CORT: variants seen among roughly 807,000 people sequenced by gnomAD.
CORT encodes cortistatin-14.
A neutral mutation model predicts 4.4 loss-of-function variants in CORT; 2 were observed. The observed-to-expected ratio is 0.46, with a 90% confidence interval of 0.19 to 1.44. CORT has a LOEUF of 1.44. Ranked by LOEUF, CORT falls within the 40% of genes most tolerant of loss-of-function variation. The pLI, the probability that CORT is intolerant of heterozygous loss-of-function variation, is 0.26. For missense variants in CORT, 158 were observed against 140.2 expected (o/e 1.13, Z -0.64); for synonymous variants, 72 against 62.0 (o/e 1.16, Z -0.75).
In CORT at chr1:10,450,260, T is replaced by A. The variant is rs756292279; in HGVS notation, c.37T>A (p.Ser13Thr). The change falls in exon 1 of 2, where the codon TCC becomes ACC. Residue 13 changes from serine to threonine, a missense_variant. By Grantham distance (58) the Ser-to-Thr change is moderately conservative. Coordinates refer to ENST00000377049, the MANE Select transcript of CORT (RefSeq NM_001302.5). ...LSPGLLLLLLSGATATAALPL... is the reference protein window; with the variant it reads ...LSPGLLLLLLTGATATAALPL... ...CCCCGGCCTCCTGCTGCTGCTGCTC[T>A]CCGGGGCCACGGCCACCGCTGCCCT... 1.5e-5 allele frequency: 24 copies of A among 1,569,224 alleles called. No individual in the cohort carries two copies. In the East Asian group the frequency reaches 5.0e-4, roughly 33 times the overall value.
rs1428795634 is a variant in CORT, at chr1:10,450,167, C to G, written c.-57C>G. The G allele has an allele frequency of 6.2e-7, 1 of 1,610,420 alleles. No individual in the cohort carries two copies. Among genetic ancestry groups the G allele is most frequent in the African/African-American group, 1.3e-5 (1 of 74,908 alleles). On this transcript the variant is annotated 5_prime_UTR_variant, in exon 1 of 2. Coordinates refer to ENST00000377049, the MANE Select transcript of CORT (RefSeq NM_001302.5). ...AGTCCCCAAAACATTGATTTCAGGGCTGCCAGGAAGGAAGAGCAGCAGCAG... is the reference window on the plus strand; with the variant it reads ...AGTCCCCAAAACATTGATTTCAGGGGTGCCAGGAAGGAAGAGCAGCAGCAG...
At chr1:10,451,289 AAGG>A (rs1640777579) in intron 1 of CORT, 85 bp from the exon 2 acceptor site, 1 of 1,400,908 alleles carries the variant, frequency 7.1e-7, no homozygotes, top group Non-Finnish European at 9.4e-7. Flanking sequence ...TTTTTTAAGT[AAGG>A]AGGAGATTGC....
chr1:10,451,793 G>A lies in CORT; in HGVS notation c.*198G>A. The A allele has an allele frequency of 1.1e-6, 1 of 906,378 alleles. No homozygotes were observed. Among genetic ancestry groups the A allele is most frequent in the Non-Finnish European group, 1.6e-6 (1 of 637,162 alleles). The allele number at this position is 906,378 out of a possible 1,614,324, so 56.1% of individuals were successfully genotyped here. ...GATCTTTGATAAAGATTTTTTTGTG[G>A]TTCGACTGGACTGTGCTGAGTGCGG... is the stretch of plus-strand genomic sequence containing the variant. On this transcript the variant is annotated 3_prime_UTR_variant, in exon 2 of 2. Transcript: ENST00000377049.
Position 10,451,506 on chromosome 1 carries a change from C to A in CORT, c.229C>A (p.Gln77Lys). 5 of 1,614,070 alleles carry A rather than the reference C, an allele frequency of 3.1e-6. No individual in the cohort carries two copies. The highest frequency in any genetic ancestry group is 4.2e-6 in the Non-Finnish European group (5 of 1,180,016). ...GEEAREVARR[Q>K]EGAPPQQSAR... ...GGAAGCCCGGGAGGTGGCCAGGCGG[C>A]AGGAAGGCGCACCCCCCCAGCAATC... The change falls in exon 2 of 2, where the codon CAG becomes AAG. Residue 77 changes from glutamine to lysine, a missense_variant. Physicochemically the swap from Gln to Lys is moderately conservative, Grantham distance 53. Coordinates refer to ENST00000377049, the MANE Select transcript of CORT (RefSeq NM_001302.5).
In CORT at chr1:10,451,957, A is replaced by G. The variant is rs529960906; in HGVS notation, c.*362A>G. The G allele has an allele frequency of 6.0e-6, 1 of 167,020 alleles. No homozygotes were observed. Among genetic ancestry groups the G allele is most frequent in the African/African-American group, 2.4e-5 (1 of 42,228 alleles). The allele number at this position is 167,020 out of a possible 1,614,324, so 10.3% of individuals were successfully genotyped here. On this transcript the variant is annotated 3_prime_UTR_variant, in exon 2 of 2. Transcript: ENST00000377049. Reference sequence around the variant, plus strand: ...GTTTATGAATTGATATGAATTGTCTAATTTAAAAAATATTTCCCTCACATT... The same window carrying G: ...GTTTATGAATTGATATGAATTGTCTGATTTAAAAAATATTTCCCTCACATT...
Position 10,451,830 on chromosome 1 carries a change from T to C in CORT, c.*235T>C. 2.0e-6 allele frequency: 1 copy of C among 491,412 alleles called. No individual in the cohort carries two copies. 30.4% of individuals were successfully genotyped at this position (491,412 alleles called of 1,614,324 possible). A position where few individuals can be genotyped will look rare whatever the true frequency, so the allele number is the denominator to read the frequency against. On this transcript the variant is annotated 3_prime_UTR_variant, in exon 2 of 2. Coordinates refer to ENST00000377049, the MANE Select transcript of CORT (RefSeq NM_001302.5). ...TGTGCTGAGTGCGGGCACTGGGCTT[T>C]TCTTCTGATGTTCATTATGGTGCTG... is the stretch of plus-strand genomic sequence containing the variant.
At position 10,450,198 on chromosome 1, in the gene CORT, G is replaced by A. The variant is rs767743207; in HGVS notation, c.-26G>A. ...GGAAGGAAGAGCAGCAGCAGGGTGG[G>A]AGAGAAGCTCCAGTCAGCCCACAAG... On this transcript the variant is annotated 5_prime_UTR_variant, in exon 1 of 2. Transcript: ENST00000377049. The A allele has an allele frequency of 3.7e-6, 6 of 1,611,464 alleles. No homozygotes were observed. In the African/African-American group the frequency reaches 4.0e-5, roughly 11 times the overall value.
At chr1:10,450,786 G>A (rs1030695635) in intron 1 of CORT, among the ~76,000 whole-genome samples, 1 of 152,176 alleles carries the variant, frequency 6.6e-6, no homozygotes, top group African/African-American at 2.4e-5. Flanking sequence ...CCAAGAAAGG[G>A]TATATAAAGT....
intron 1 of CORT, 125 bp from the exon 2 acceptor site, chr1:10,451,252 T>G: frequency 8.0e-7 from 1 of 1,242,494 alleles, no homozygotes; most frequent in Non-Finnish European, 1.1e-6. Flanking sequence ...TTCTCTTTTC[T>G]CCAGGGTAGT....
At chr1:10,451,263 C>T in intron 1 of CORT, 114 bp from the exon 2 acceptor site, 1 of 1,319,618 alleles carries the variant, frequency 7.6e-7, no homozygotes, top group Non-Finnish European at 9.9e-7. Context: ...CCAGGGTAGT[C>T]TTTTAGATCA....
At position 10,451,580 on chromosome 1, in the gene CORT, C is replaced by A; in HGVS notation, c.303C>A (p.Phe101Leu). The A allele has an allele frequency of 6.2e-7, 1 of 1,612,458 alleles. No individual in the cohort carries two copies. Among genetic ancestry groups the A allele is most frequent in the Non-Finnish European group, 8.5e-7 (1 of 1,179,488 alleles). Residue 101 changes from phenylalanine (F) to leucine (L), a missense_variant, in exon 2 of 2, where the codon TTC becomes TTA. Physicochemically the swap from Phe to Leu is conservative, Grantham distance 22 (BLOSUM62 0). Coordinates refer to ENST00000377049, the MANE Select transcript of CORT (RefSeq NM_001302.5). ...MPCRNFFWKT[F>L]SSCK ...GCAGGAACTTCTTCTGGAAGACCTT[C>A]TCCTCCTGCAAATAAAACCTCACCC... is the stretch of plus-strand genomic sequence containing the variant.
rs1640796688 is a variant in CORT, at chr1:10,451,777, TAA to T, written c.*184_*185del. 2 of 1,089,190 alleles carry T rather than the reference TAA, an allele frequency of 1.8e-6. No homozygotes were observed. The highest frequency in any genetic ancestry group is 2.5e-6 in the Non-Finnish European group (2 of 801,030). 67.5% of individuals were successfully genotyped at this position (1,089,190 alleles called of 1,614,324 possible). ...TGGAACCCAAAGTGAAGATCTTTGA[TAA>T]AGATTTTTTTGTGGTTCGACTGGAC... On this transcript the variant is annotated 3_prime_UTR_variant, in exon 2 of 2. Coordinates refer to ENST00000377049, the MANE Select transcript of CORT (RefSeq NM_001302.5).
rs182159138 is a variant in CORT at position 10,450,277 on chromosome 1, C to T, written c.54C>T (p.Thr18=). The change falls in exon 1 of 2, where the codon ACC becomes ACT. Residue 18 remains threonine (T), a synonymous_variant. Coordinates refer to ENST00000377049, the MANE Select transcript of CORT (RefSeq NM_001302.5). Reference sequence around the variant, plus strand: ...TGCTGCTCTCCGGGGCCACGGCCACCGCTGCCCTGCCCCTGGAGGGTGGCC... The same window carrying T: ...TGCTGCTCTCCGGGGCCACGGCCACTGCTGCCCTGCCCCTGGAGGGTGGCC... The part of the protein sequence containing the change: ...LLLLLSGATA[T]AALPLEGGPT... 95 of 1,551,014 alleles carry T rather than the reference C, an allele frequency of 6.1e-5. No individual in the cohort carries two copies. The highest frequency in any genetic ancestry group is 2.5e-4 in the Admixed American group (13 of 51,488).
At chr1:10,450,758 T>C (rs1444641637) in intron 1 of CORT, among the ~76,000 whole-genome samples, 1 of 152,218 alleles carries the variant, frequency 6.6e-6, no homozygotes, top group Non-Finnish European at 1.5e-5. Context: ...TTGTTCTTTT[T>C]TCCATTTTGA....
chr1:10,450,482 G>C (rs931962304), intron 1 of CORT, among the ~76,000 whole-genome samples, 160 bp downstream of exon 1: 13 of 152,342 alleles, frequency 8.5e-5, no homozygotes, highest in African/African-American at 2.4e-4. Flanking sequence ...CCGAGGTACT[G>C]GGATGCCGCA....
chr1:10,451,828 T>A lies in CORT; in HGVS notation c.*233T>A, dbSNP rs1251156036. 2.0e-6 allele frequency: 1 copy of A among 501,902 alleles called. No homozygotes were observed. Among genetic ancestry groups the A allele is most frequent in the Non-Finnish European group, 3.2e-6 (1 of 311,514 alleles). The allele number at this position is 501,902 out of a possible 1,614,324, so 31.1% of individuals were successfully genotyped here. On this transcript the variant is annotated 3_prime_UTR_variant, in exon 2 of 2. Transcript: ENST00000377049. ...ACTGTGCTGAGTGCGGGCACTGGGC[T>A]TTTCTTCTGATGTTCATTATGGTGC...
At position 10,450,281 on chromosome 1, in the gene CORT, G is replaced by C; in HGVS notation, c.58G>C (p.Ala20Pro). ...LLLSGATATA[A>P]LPLEGGPTGR... ...GCTCTCCGGGGCCACGGCCACCGCT[G>C]CCCTGCCCCTGGAGGGTGGCCCCAC... The change falls in exon 1 of 2, where the codon GCC becomes CCC. Residue 20 changes from alanine (A) to proline (P), a missense_variant. Coordinates refer to ENST00000377049, the MANE Select transcript of CORT (RefSeq NM_001302.5). 6.5e-7 allele frequency: 1 copy of C among 1,544,476 alleles called. No individual in the cohort carries two copies. Among genetic ancestry groups the C allele is most frequent in the Non-Finnish European group, 8.7e-7 (1 of 1,145,808 alleles).
At chr1:10,450,399 G>T (rs1405119641) in intron 1 of CORT, 77 bp downstream of exon 1, 3 of 1,333,172 alleles carry the variant, frequency 2.3e-6, no homozygotes, top group East Asian at 5.6e-5. Flanking sequence ...CATGGTGTGT[G>T]TGTGTGCACG....
chr1:10,450,170 C>T lies in CORT; in HGVS notation c.-54C>T, dbSNP rs1042560750. The T allele has an allele frequency of 3.7e-6, 6 of 1,609,924 alleles. No homozygotes were observed. The highest frequency in any genetic ancestry group is 5.1e-6 in the Non-Finnish European group (6 of 1,178,370). The stretch of plus-strand genomic sequence containing the variant: ...CCCCAAAACATTGATTTCAGGGCTG[C>T]CAGGAAGGAAGAGCAGCAGCAGGGT... On this transcript the variant is annotated 5_prime_UTR_variant, in exon 1 of 2. Coordinates refer to ENST00000377049, the MANE Select transcript of CORT (RefSeq NM_001302.5).
Sources: gnomAD v4.1 joint callset for allele counts (sites outside exome capture counted in the v4.1 genomes callset) on GRCh38, gnomAD v4.1.1 for gene constraint, MANE v1.5 for transcripts, NCBI Gene and HGNC (gene_info 2026-07-23, HGNC 2026-07-21) for gene names.